IMMP2L: variants seen among roughly 807,000 people sequenced by gnomAD.
IMMP2L encodes mitochondrial inner membrane protease subunit 2.
IMMP2L carries 18 observed loss-of-function variants against 19.3 expected under a neutral mutation model. That is an observed-to-expected ratio of 0.93 (90% CI 0.64 to 1.38). The LOEUF is 1.38. Ranked by LOEUF, IMMP2L falls within the 40% of genes most tolerant of loss-of-function variation. The pLI is 0.00. For missense variants in IMMP2L, 233 were observed against 218.2 expected (o/e 1.07, Z -0.43); for synonymous variants, 76 against 73.0 (o/e 1.04, Z -0.21).
intron 3 of IMMP2L, among the ~76,000 whole-genome samples, chr7:111,077,069 T>C (rs1289227992): frequency 6.6e-6 from 1 of 152,180 alleles, no homozygotes; most frequent in Non-Finnish European, 1.5e-5. Flanking sequence ...GCTTGCTGTA[T>C]TTGGTGCAGA....
chr7:111,286,578 A>G (rs1182888372), intron 3 of IMMP2L, among the ~76,000 whole-genome samples: 1 of 152,184 alleles, frequency 6.6e-6, no homozygotes, highest in Non-Finnish European at 1.5e-5. Flanking sequence ...TATCATAGAG[A>G]CCGTTTTGAT....
At chr7:110,847,703 T>C (rs910887141) in intron 5 of IMMP2L, among the ~76,000 whole-genome samples, 3 of 152,046 alleles carry the variant, frequency 2.0e-5, no homozygotes, top group African/African-American at 7.2e-5. Flanking sequence ...AGTGAAAGAA[T>C]AGACAAAGAG....
At position 110,803,516 on chromosome 7, in the gene IMMP2L, A is replaced by T. The variant is rs1240722200; in HGVS notation, c.408+83077T>A. On this transcript the variant is annotated intron_variant, in intron 5 of 5. Coordinates refer to ENST00000405709, the MANE Select transcript of IMMP2L (RefSeq NM_032549.4). This position sits in a 1 kb window ranked among gnomAD's most constrained non-coding sequence, Gnocchi z 4.2. Reference sequence around the variant, plus strand: ...AATGTGTACACAGGGAGAAGGAGAAAGGAGAATGAGGCTGAGAGGGAAGTC... The same window carrying T: ...AATGTGTACACAGGGAGAAGGAGAATGGAGAATGAGGCTGAGAGGGAAGTC... Among the ~76,000 whole-genome samples, 1 of 152,066 alleles carries T rather than the reference A, an allele frequency of 6.6e-6. No homozygotes were observed. The highest frequency in any genetic ancestry group is 2.4e-5 in the African/African-American group (1 of 41,424).
chr7:111,405,665 G>T (rs1405343777), intron 3 of IMMP2L, among the ~76,000 whole-genome samples: 1 of 151,960 alleles, frequency 6.6e-6, no homozygotes, highest in African/African-American at 2.4e-5. Context: ...TCCCTCCTAG[G>T]TCACTGGCTG....
chr7:111,380,723 T>C (rs1361892831), intron 3 of IMMP2L, among the ~76,000 whole-genome samples: 3 of 152,008 alleles, frequency 2.0e-5, no homozygotes, highest in African/African-American at 7.2e-5. Context: ...AGAGAAAAAT[T>C]AGCCCTTTAG....
At chr7:111,158,061 T>C (rs1804839611) in intron 3 of IMMP2L, among the ~76,000 whole-genome samples, 1 of 151,990 alleles carries the variant, frequency 6.6e-6, no homozygotes, top group African/African-American at 2.4e-5. Context: ...GTCAGAATTT[T>C]TATTACAGTT....
chr7:111,403,186 T>C (rs1833616546), intron 3 of IMMP2L, among the ~76,000 whole-genome samples: 1 of 151,976 alleles, frequency 6.6e-6, no homozygotes, highest in African/African-American at 2.4e-5. Context: ...CAGGGCGGTT[T>C]CCCCATGCTA....
chr7:110,776,907 A>C (rs1248642746), intron 5 of IMMP2L, among the ~76,000 whole-genome samples: 2 of 152,066 alleles, frequency 1.3e-5, no homozygotes, highest in East Asian at 3.9e-4. Context: ...ATTTTTAAAA[A>C]AATGTTTGTC....
intron 3 of IMMP2L, among the ~76,000 whole-genome samples, chr7:111,024,742 C>A (rs1405329628): frequency 1.3e-5 from 2 of 152,080 alleles, no homozygotes; most frequent in Non-Finnish European, 2.9e-5. Flanking sequence ...TAATACCAAC[C>A]AAATAACTAG....
chr7:110,808,521 C>T (rs1233216396), intron 5 of IMMP2L, among the ~76,000 whole-genome samples: 1 of 152,028 alleles, frequency 6.6e-6, no homozygotes, highest in East Asian at 1.9e-4. Context: ...ACATATGGCA[C>T]AAGATCCAAG....
At chr7:110,703,105 A>G (rs1021381012) in intron 5 of IMMP2L, among the ~76,000 whole-genome samples, 3 of 152,170 alleles carry the variant, frequency 2.0e-5, no homozygotes, top group Non-Finnish European at 4.4e-5. Flanking sequence ...AGAATGCGGA[A>G]GTTCCCTTAT....
chr7:110,867,949 C>T (rs1352638145), intron 5 of IMMP2L, among the ~76,000 whole-genome samples: 2 of 151,966 alleles, frequency 1.3e-5, no homozygotes, highest in Non-Finnish European at 2.9e-5. Flanking sequence ...TTGTCACCCC[C>T]AGAGGTCCCC....
At chr7:110,908,013 AAAGACATT>A (rs1257005625) in intron 4 of IMMP2L, among the ~76,000 whole-genome samples, 8 of 152,180 alleles carry the variant, frequency 5.3e-5, no homozygotes, top group African/African-American at 1.9e-4. Flanking sequence ...GGGAGGAGTT[AAAGACATT>A]CATCATGGAT....
At chr7:111,515,361 T>G (rs1327382219) in intron 2 of IMMP2L, among the ~76,000 whole-genome samples, 1 of 152,162 alleles carries the variant, frequency 6.6e-6, no homozygotes, top group Non-Finnish European at 1.5e-5. Flanking sequence ...TCTACCCATT[T>G]CCTAAAGATG....
At chr7:110,909,969 G>A (rs1455862612) in intron 4 of IMMP2L, among the ~76,000 whole-genome samples, 1 of 149,098 alleles carries the variant, frequency 6.7e-6, no homozygotes, top group Non-Finnish European at 1.5e-5. Flanking sequence ...AACAGTAAAT[G>A]TGCCAAGGAA....
At chr7:110,750,276 G>C (rs1330356266) in intron 5 of IMMP2L, among the ~76,000 whole-genome samples, 2 of 151,792 alleles carry the variant, frequency 1.3e-5, no homozygotes. Flanking sequence ...TCAATACAAA[G>C]CAAGGTCACT....
chr7:110,998,237 G>T (rs1192860188), intron 3 of IMMP2L, among the ~76,000 whole-genome samples: 1 of 152,102 alleles, frequency 6.6e-6, no homozygotes, highest in Non-Finnish European at 1.5e-5. Context: ...CAAAAAGCAT[G>T]AATTTTACAA....
At chr7:111,539,250 GAAAGAAAGAAAGAA>G in intron 1 of IMMP2L, among the ~76,000 whole-genome samples, 1 of 143,804 alleles carries the variant, frequency 7.0e-6, no homozygotes. Flanking sequence ...AAGAAAGAAA[GAAAGAAAGAAAGAA>G]AGAAAGAGAA....
chr7:111,151,912 G>A (rs538280073), intron 3 of IMMP2L, among the ~76,000 whole-genome samples: 1 of 152,212 alleles, frequency 6.6e-6, no homozygotes, highest in South Asian at 2.1e-4. Flanking sequence ...CTCCAGCCTG[G>A]GTGACAGAGT....
Sources: allele counts gnomAD v4.1 joint callset (sites outside exome capture counted in the v4.1 genomes callset), GRCh38; gene constraint gnomAD v4.1.1; non-coding constraint Gnocchi (gnomAD v3.1); transcripts MANE v1.5; gene names NCBI Gene and HGNC (gene_info 2026-07-23, HGNC 2026-07-21).